RAD51B: variants seen among roughly 807,000 people sequenced by gnomAD.
RAD51B encodes the protein DNA repair protein RAD51 homolog 2.
A neutral mutation model predicts 42.2 loss-of-function variants in RAD51B; 38 were observed. The observed-to-expected ratio is 0.90, with a 90% confidence interval of 0.70 to 1.18. The LOEUF (loss-of-function observed/expected upper bound fraction) is 1.18. Ranked by LOEUF, RAD51B falls within the 50% of genes most tolerant of loss-of-function variation. The pLI, the probability that RAD51B is intolerant of heterozygous loss-of-function variation, is 0.00. For missense variants in RAD51B, 373 were observed against 400.7 expected, an observed-to-expected ratio of 0.93 and a Z score of 0.59; for synonymous variants, 154 against 145.2, an observed-to-expected ratio of 1.06 and a Z score of -0.43.
At chr14:68,105,839 A>G (rs189697108) in intron 7 of RAD51B, among the ~76,000 whole-genome samples, 14 of 152,138 alleles carry the variant, frequency 9.2e-5, no homozygotes, top group African/African-American at 3.4e-4. Flanking sequence ...TAGCAATATT[A>G]GTGACAGGAT....
At chr14:68,583,629 A>G (rs1463648269) in intron 10 of RAD51B, among the ~76,000 whole-genome samples, 1 of 152,156 alleles carries the variant, frequency 6.6e-6, no homozygotes, top group African/African-American at 2.4e-5. Context: ...CCCTGGCTCC[A>G]TTTAGCACTA....
chr14:67,836,710 C>A (rs1393398658), intron 4 of RAD51B, among the ~76,000 whole-genome samples: 4 of 152,126 alleles, frequency 2.6e-5, no homozygotes, highest in Non-Finnish European at 5.9e-5. Context: ...GGTGATCCAC[C>A]CACCTGGGCC....
Position 67,823,615 on chromosome 14 carries a change from C to T in RAD51B, c.72C>T (p.Ile24=), listed in dbSNP as rs929847458. ...ELCDRLSRHQ[I]LTCQDFLCLS... is the part of the protein sequence containing the mutation. Reference sequence around the variant, plus strand: ...GTGACCGTCTGAGTAGACATCAGATCCTTACCTGTCAGGTAAATTTTATTT... The same window carrying T: ...GTGACCGTCTGAGTAGACATCAGATTCTTACCTGTCAGGTAAATTTTATTT... Residue 24 remains isoleucine, a synonymous_variant, in exon 2 of 11, where the codon ATC becomes ATT. Transcript: ENST00000471583. 2 of 1,610,952 alleles carry T rather than the reference C, an allele frequency of 1.2e-6. No individual in the cohort carries two copies. The highest frequency in any genetic ancestry group is 3.4e-5 in the Admixed American group (2 of 59,518).
chr14:67,984,614 T>C (rs946247959), intron 7 of RAD51B, among the ~76,000 whole-genome samples: 1 of 152,212 alleles, frequency 6.6e-6, no homozygotes, highest in Non-Finnish European at 1.5e-5. Flanking sequence ...TCTGCCTTTC[T>C]CTCATCTCTA....
At chr14:68,129,024 GCTT>G (rs1381230731) in intron 7 of RAD51B, among the ~76,000 whole-genome samples, 2 of 152,144 alleles carry the variant, frequency 1.3e-5, no homozygotes, top group African/African-American at 2.4e-5. Context: ...CACTGGTCTT[GCTT>G]CTGGAAGAAT....
intron 10 of RAD51B, among the ~76,000 whole-genome samples, chr14:68,625,456 G>A (rs1317351667): frequency 6.6e-6 from 1 of 152,112 alleles, no homozygotes; most frequent in African/African-American, 2.4e-5. Context: ...TAGACACTGG[G>A]CTCGCCAGGC....
chr14:68,150,409 T>C (rs2078352601), intron 7 of RAD51B, among the ~76,000 whole-genome samples: 1 of 152,240 alleles, frequency 6.6e-6, no homozygotes, highest in Admixed American at 6.5e-5. Context: ...TGGGAAGAAC[T>C]GACTTCTTAA....
At chr14:68,297,300 A>C (rs776051394) in intron 8 of RAD51B, among the ~76,000 whole-genome samples, 15 of 152,202 alleles carry the variant, frequency 9.9e-5, no homozygotes, top group Non-Finnish European at 1.9e-4. Flanking sequence ...GATGTTTGAA[A>C]ATGTGGCTCC....
intron 7 of RAD51B, among the ~76,000 whole-genome samples, chr14:67,974,533 A>T (rs2074954106): frequency 6.6e-6 from 1 of 152,148 alleles, no homozygotes; most frequent in African/African-American, 2.4e-5. Flanking sequence ...AGGTGATATG[A>T]TAAAGGTTTG....
chr14:68,292,099 C>A, intron 8 of RAD51B, 119 bp downstream of exon 8: 2 of 881,724 alleles, frequency 2.3e-6, no homozygotes, highest in Admixed American at 2.2e-5. Context: ...TGAACCCAGC[C>A]GGAGCCTGTT....
At chr14:68,595,782 T>A in exon 11 of RAD51B, 1 of 408,562 alleles carries the variant, frequency 2.4e-6, no homozygotes, top group Middle Eastern at 9.0e-4. Flanking sequence ...TCACACCATA[T>A]TATTAAAGAG....
chr14:68,195,253 G>A (rs1357127516), intron 7 of RAD51B, among the ~76,000 whole-genome samples: 2 of 152,042 alleles, frequency 1.3e-5, no homozygotes, highest in African/African-American at 4.8e-5. Context: ...AAGTTAATGG[G>A]TGCTGGAAAC....
intron 7 of RAD51B, among the ~76,000 whole-genome samples, chr14:68,253,611 G>A (rs77850983): frequency 2.6e-5 from 4 of 152,158 alleles, no homozygotes; most frequent in African/African-American, 9.6e-5. Flanking sequence ...TTTCTTTTAA[G>A]CAAAACACAT....
At chr14:68,578,905 T>C (rs776278466) in intron 10 of RAD51B, among the ~76,000 whole-genome samples, 6 of 152,150 alleles carry the variant, frequency 3.9e-5, no homozygotes, top group Non-Finnish European at 8.8e-5. Flanking sequence ...GGGGGCTGGG[T>C]CATAGGCTTG....
intron 7 of RAD51B, among the ~76,000 whole-genome samples, chr14:67,957,336 T>C (rs1245312259): frequency 1.3e-5 from 2 of 152,166 alleles, no homozygotes; most frequent in East Asian, 3.8e-4. Context: ...CCAGATAATT[T>C]CTAAGGTCTC....
At chr14:68,507,972 C>T (rs1016577362) in intron 10 of RAD51B, among the ~76,000 whole-genome samples, 1 of 152,142 alleles carries the variant, frequency 6.6e-6, no homozygotes, top group African/African-American at 2.4e-5. Flanking sequence ...ACCTTTGTAC[C>T]GTCGGAAGCA....
chr14:68,305,180 C>T (rs1462850312), intron 8 of RAD51B, among the ~76,000 whole-genome samples: 1 of 152,182 alleles, frequency 6.6e-6, no homozygotes, highest in African/African-American at 2.4e-5. Context: ...CTTGTTTTTA[C>T]TGCAGAACTC....
chr14:68,227,988 G>C (rs1368301563), intron 7 of RAD51B, among the ~76,000 whole-genome samples: 1 of 152,080 alleles, frequency 6.6e-6, no homozygotes, highest in Non-Finnish European at 1.5e-5. Context: ...TTAGCACTGT[G>C]CTAAATGTTT....
chr14:67,902,920 G>A (rs368151733), intron 7 of RAD51B, among the ~76,000 whole-genome samples: 1 of 151,526 alleles, frequency 6.6e-6, no homozygotes, highest in African/African-American at 2.4e-5. Context: ...TGTGATCTCG[G>A]CTCACTGTGA....
Sources: allele counts gnomAD v4.1 joint callset (sites outside exome capture counted in the v4.1 genomes callset), GRCh38; gene constraint gnomAD v4.1.1; transcripts MANE v1.5; gene names NCBI Gene and HGNC (gene_info 2026-07-23, HGNC 2026-07-21).